The following RNF17 variants were observed in gnomAD, a reference collection of about 807,000 sequenced individuals.
RNF17 encodes the protein ring finger protein 17, also known as spermatogenesis associated 23.
In RNF17, 31 loss-of-function variants were observed where a neutral mutation model predicts 200.5. The observed-to-expected ratio is 0.15, with a 90% CI of 0.12 to 0.21. RNF17 has a LOEUF of 0.21. Among genes scored for constraint, RNF17 ranks in the 10% least tolerant of loss-of-function variants. RNF17 has a pLI of 1.00. For missense variants in RNF17, 1,628 were observed against 1,905.1 expected, an observed-to-expected ratio of 0.85 and a Z score of 2.71; for synonymous variants, 606 against 637.8, an observed-to-expected ratio of 0.95 and a Z score of 0.75.
chr13:24,818,511 CTA>C (rs1157083636), intron 15 of RNF17, among the ~76,000 whole-genome samples: 4 of 152,050 alleles, frequency 2.6e-5, no homozygotes, highest in African/African-American at 9.7e-5. Flanking sequence ...ATTGAACTGT[CTA>C]TTTTTTCCTT....
chr13:24,875,794 C>T (rs897780713), intron 33 of RNF17, among the ~76,000 whole-genome samples: 14 of 152,270 alleles, frequency 9.2e-5, no homozygotes, highest in Admixed American at 3.9e-4. Flanking sequence ...AATTTTTTTA[C>T]GATGCTCAAG....
chr13:24,884,196 C>A (rs766609527), downstream of RNF17: 1 of 1,614,140 alleles, frequency 6.2e-7, no homozygotes, highest in Non-Finnish European at 8.5e-7. Flanking sequence ...GACTTCCAGT[C>A]CCTCCGGGTA....
At chr13:24,885,272 TA>T in the RNF17 span, 2 of 1,559,032 alleles carry the variant, frequency 1.3e-6, no homozygotes, top group East Asian at 4.5e-5. Flanking sequence ...AAACATTTTT[TA>T]ACCTTTCCAT....
At chr13:24,812,373 G>A (rs1886772091) in intron 15 of RNF17, among the ~76,000 whole-genome samples, 1 of 151,876 alleles carries the variant, frequency 6.6e-6, no homozygotes, top group Admixed American at 6.6e-5. Context: ...GGTCGGAAAA[G>A]TGCAGTATTC....
At chr13:24,885,793 G>GTCTT in the RNF17 span, 1 of 729,352 alleles carries the variant, frequency 1.4e-6, no homozygotes, top group African/African-American at 1.8e-5. Flanking sequence ...AGTTAAGGAT[G>GTCTT]TCTTAATATT....
chr13:24,775,758 A>G (rs944851102), intron 3 of RNF17, among the ~76,000 whole-genome samples: 8 of 152,170 alleles, frequency 5.3e-5, no homozygotes, highest in Admixed American at 5.2e-4. Context: ...CCAGCCAGAG[A>G]TGAGTATCTA....
At chr13:24,855,751 C>T (rs922804211) in intron 25 of RNF17, among the ~76,000 whole-genome samples, 6 of 152,204 alleles carry the variant, frequency 3.9e-5, no homozygotes, top group Admixed American at 3.3e-4. Context: ...CACATCCTTG[C>T]TAACACTTAA....
downstream of RNF17, among the ~76,000 whole-genome samples, chr13:24,881,943 T>G (rs201193485): frequency 0.012 from 197 of 15,900 alleles, 23 homozygotes; most frequent in African/African-American, 0.017. Flanking sequence ...GATACATCTA[T>G]ATAGATATAT....
chr13:24,761,473 A>G (rs1878734841), upstream of RNF17, among the ~76,000 whole-genome samples: 1 of 152,122 alleles, frequency 6.6e-6, no homozygotes, highest in Non-Finnish European at 1.5e-5. Context: ...ATTTCTCTTT[A>G]GTTTTGGTGA....
chr13:24,877,284 A>G, intron 34 of RNF17, 98 bp downstream of exon 34: 1 of 915,182 alleles, frequency 1.1e-6, no homozygotes, highest in Admixed American at 2.5e-5. Flanking sequence ...GCGAGAGTAT[A>G]CTAAAGCATA....
At chr13:24,770,580 T>C (rs1413152121) in intron 2 of RNF17, among the ~76,000 whole-genome samples, 1 of 152,118 alleles carries the variant, frequency 6.6e-6, no homozygotes, top group East Asian at 1.9e-4. Context: ...GGACTTAAAA[T>C]ACCATTCAGC....
intron 35 of RNF17, 58 bp downstream of exon 35, chr13:24,879,353 A>T: frequency 3.5e-6 from 4 of 1,145,476 alleles, no homozygotes; most frequent in Non-Finnish European, 1.3e-6. Flanking sequence ...TGAATGCTAG[A>T]TTGATCAGAA....
At chr13:24,799,634 A>T in intron 12 of RNF17, 50 bp downstream of exon 12, 1 of 1,178,872 alleles carries the variant, frequency 8.5e-7, no homozygotes, top group Non-Finnish European at 1.2e-6. Flanking sequence ...AACATTTTGG[A>T]GGGAGGTGGA....
In RNF17 at chr13:24,868,596, T is replaced by C. The variant is rs1166469045; in HGVS notation, c.4162-4T>C. On this transcript the variant is annotated splice_polypyrimidine_tract_variant and splice_region_variant and intron_variant, in intron 30 of 35. Transcript: ENST00000255324. ...GAAATTTGAATTTTTCTGTGGTGTT[T>C]TAGGAATTGCTTTCGGCTGAAACAG... 3 of 1,509,152 alleles carry C rather than the reference T, an allele frequency of 2.0e-6. No individual in the cohort carries two copies. Among genetic ancestry groups the C allele is most frequent in the Non-Finnish European group, 2.8e-6 (3 of 1,085,136 alleles). The allele number at this position is 1,509,152 out of a possible 1,614,324, so 93.5% of individuals were successfully genotyped here.
At chr13:24,861,172 C>T (rs1472004923) in intron 26 of RNF17, 96 bp from the exon 27 acceptor site, 7 of 1,046,732 alleles carry the variant, frequency 6.7e-6, no homozygotes, top group Non-Finnish European at 9.6e-6. Context: ...AGCCATCAAG[C>T]CCGGCCTGTC....
At chr13:24,834,440 C>CAAT (rs1889749895) in intron 18 of RNF17, among the ~76,000 whole-genome samples, 1 of 151,318 alleles carries the variant, frequency 6.6e-6, no homozygotes, top group Non-Finnish European at 1.5e-5. Context: ...ACAAGAACAA[C>CAAT]AAAAAAGCAA....
chr13:24,751,310 A>T, the RNF17 span: 11 of 130,874 alleles, frequency 8.4e-5, no homozygotes, highest in South Asian at 9.1e-4. Flanking sequence ...ATATATATAT[A>T]TATATTTTTT....
chr13:24,856,419 CA>C (rs60553495), intron 25 of RNF17, among the ~76,000 whole-genome samples: 5,779 of 101,576 alleles, frequency 0.057, 324 homozygotes, highest in African/African-American at 0.21. Flanking sequence ...GAATCCGTCT[CA>C]AAAAAAAAAA....
rs1327813910 is a variant in RNF17 at position 24,874,172 on chromosome 13, C to T, written c.4506C>T (p.Ala1502=). ...DGLWYRAKIV[A]IKEFNPLSIL... is the part of the protein sequence containing the mutation. ...TATGGTATAGAGCGAAGATTGTTGCCATTAAAGAATTTAATCCTTTATCTA... is the reference window on the plus strand; with the variant it reads ...TATGGTATAGAGCGAAGATTGTTGCTATTAAAGAATTTAATCCTTTATCTA... The change falls in exon 33 of 36, where the codon GCC becomes GCT. Residue 1502 remains alanine, a synonymous_variant. Transcript: ENST00000255324. The T allele has an allele frequency of 3.7e-6, 6 of 1,611,392 alleles. No homozygotes were observed. The highest frequency in any genetic ancestry group is 1.3e-5 in the African/African-American group (1 of 74,764).
Sources: gnomAD v4.1 joint callset for allele counts (sites outside exome capture counted in the v4.1 genomes callset) on GRCh38, gnomAD v4.1.1 for gene constraint, MANE v1.5 for transcripts, NCBI Gene and HGNC (gene_info 2026-07-23, HGNC 2026-07-21) for gene names.